The following CHST11 variants were observed in gnomAD, a reference collection of about 807,000 sequenced individuals.
The protein encoded by CHST11 is C4S-1.
A neutral mutation model predicts 30.4 loss-of-function variants in CHST11; 9 were observed. The observed-to-expected ratio is 0.30, with a 90% confidence interval of 0.18 to 0.52. The LOEUF is 0.52. CHST11 is among the 20% of genes least tolerant of loss of function. The pLI, the probability that CHST11 is intolerant of heterozygous loss-of-function variation, is 0.97. For missense variants in CHST11, 348 were observed against 460.6 expected (o/e 0.76, Z 2.24); for synonymous variants, 152 against 187.8 (o/e 0.81, Z 1.56).
At chr12:104,697,191 C>T (rs2039955071) in intron 2 of CHST11, among the ~76,000 whole-genome samples, 1 of 152,216 alleles carries the variant, frequency 6.6e-6, no homozygotes, top group Non-Finnish European at 1.5e-5. Flanking sequence ...GGGTCCTCCT[C>T]ACTGCTTCGT....
chr12:104,571,228 A>G (rs1442478564), intron 1 of CHST11, among the ~76,000 whole-genome samples: 1 of 148,944 alleles, frequency 6.7e-6, no homozygotes, highest in African/African-American at 2.5e-5. Context: ...CAATGGCCCG[A>G]TCTCAGCTTA....
At position 104,760,751 on chromosome 12, in the gene CHST11, T is replaced by G. The variant is rs1336384211; in HGVS notation, c.*2948T>G. ...TGGAATGAGGGACTCTTTCTCCCCG[T>G]GTTTTGCTTTGTGTTCACATTTTCT... On this transcript the variant is annotated 3_prime_UTR_variant, in exon 3 of 3. Transcript: ENST00000303694. 1.3e-5 allele frequency: 2 copies of G among 152,146 alleles called. No individual in the cohort carries two copies. The highest frequency in any genetic ancestry group is 2.9e-5 in the Non-Finnish European group (2 of 68,022). The allele number at this position is 152,146 out of a possible 1,614,324, so 9.4% of individuals were successfully genotyped here.
At chr12:104,489,696 T>C (rs2888823) in intron 1 of CHST11, among the ~76,000 whole-genome samples, 46,862 of 151,064 alleles carry the variant, frequency 0.31, 7,635 homozygotes, top group East Asian at 0.5. Flanking sequence ...ATCTCTTGAC[T>C]TTGTGATCTA....
chr12:104,568,923 A>G (rs1483275580), intron 1 of CHST11, among the ~76,000 whole-genome samples: 1 of 152,240 alleles, frequency 6.6e-6, no homozygotes, highest in East Asian at 1.9e-4. Context: ...TCTTTAAGAC[A>G]GTCTATGTAT....
intron 2 of CHST11, among the ~76,000 whole-genome samples, chr12:104,710,563 C>T (rs944739225): frequency 1.3e-5 from 2 of 152,112 alleles, no homozygotes; most frequent in African/African-American, 4.8e-5. Flanking sequence ...GGAGCAAGGC[C>T]CCCTCTGGTC....
intron 2 of CHST11, among the ~76,000 whole-genome samples, chr12:104,689,095 T>C (rs1566038941): frequency 6.6e-6 from 1 of 152,262 alleles, no homozygotes; most frequent in Non-Finnish European, 1.5e-5. Context: ...ATATTAACAG[T>C]ATTTCCTTTA....
Position 104,759,517 on chromosome 12 carries a change from A to T in CHST11, c.*1714A>T, listed in dbSNP as rs2040507268. On this transcript the variant is annotated 3_prime_UTR_variant, in exon 3 of 3. Coordinates refer to ENST00000303694, the MANE Select transcript of CHST11 (RefSeq NM_018413.6). ...AGTTTTGCCTTTTGTTTTGTTTTTG[A>T]TGCCGTATATAGTGAAGGGGTGAGG... 1 of 152,132 alleles carries T rather than the reference A, an allele frequency of 6.6e-6. No homozygotes were observed. The highest frequency in any genetic ancestry group is 1.5e-5 in the Non-Finnish European group (1 of 68,042). The allele number at this position is 152,132 out of a possible 1,614,324, so 9.4% of individuals were successfully genotyped here. A position where few individuals can be genotyped will look rare whatever the true frequency, so the allele number is the denominator to read the frequency against.
chr12:104,488,593 A>ATGTG (rs1252760206), intron 1 of CHST11, among the ~76,000 whole-genome samples: 1 of 125,864 alleles, frequency 7.9e-6, no homozygotes, highest in Non-Finnish European at 1.7e-5. Flanking sequence ...ATGTATGCGT[A>ATGTG]TGTATGCGTA....
chr12:104,691,709 C>T (rs1056230398), intron 2 of CHST11, among the ~76,000 whole-genome samples: 4 of 152,148 alleles, frequency 2.6e-5, no homozygotes, highest in Non-Finnish European at 4.4e-5. Context: ...AGGATGGTCT[C>T]GATCATCTGA....
chr12:104,757,503 GC>G lies in CHST11; in HGVS notation c.761del (p.Pro254LeufsTer46). Reference protein sequence around the residue: ...LIDPHTQREEPFNEHWQTVYS... With the variant: ...LIDPHTQREEXFNEHWQTVYS... ...TCGACCCACACACCCAGCGGGAGGAGCCTTTCAACGAACACTGGCAAACCGT... is the reference window on the plus strand; with the variant it reads ...TCGACCCACACACCCAGCGGGAGGAGCTTTCAACGAACACTGGCAAACCGT... On this transcript the variant is annotated frameshift_variant, in exon 3 of 3. Transcript: ENST00000303694. LOFTEE classifies it high-confidence loss of function. This position sits in a 1 kb window ranked among gnomAD's most constrained non-coding sequence, Gnocchi z 6.5. 1 of 1,614,124 alleles carries G rather than the reference GC, an allele frequency of 6.2e-7. No homozygotes were observed. The highest frequency in any genetic ancestry group is 8.5e-7 in the Non-Finnish European group (1 of 1,180,030).
chr12:104,457,464 T>A lies in CHST11; in HGVS notation c.53T>A (p.Val18Glu). The change falls in exon 1 of 3, where the codon GTG becomes GAG. Residue 18 changes from valine to glutamate, a missense_variant. Around this residue, in one of 3 missense-constraint regions of CHST11, gnomAD observed 135 missense variants for 155.8 expected, o/e 0.87. Transcript: ENST00000303694. The part of the protein sequence containing the change: ...VMRMNRICRM[V>E]LATCLGSFIL... ...AGGATGAACAGAATCTGCCGGATGGTGCTGGCCACTTGCTTGGGATCCTTT... is the reference window on the plus strand; with the variant it reads ...AGGATGAACAGAATCTGCCGGATGGAGCTGGCCACTTGCTTGGGATCCTTT... 1 of 1,614,220 alleles carries A rather than the reference T, an allele frequency of 6.2e-7. No individual in the cohort carries two copies. The highest frequency in any genetic ancestry group is 8.5e-7 in the Non-Finnish European group (1 of 1,180,010).
chr12:104,457,277 A>G lies in CHST11; in HGVS notation c.-135A>G. The stretch of plus-strand genomic sequence containing the variant: ...GGGCTCCGAGAGCGGCCGCGAAGCG[A>G]CTCCGATCCTCCCTCTGAGCCTTGC... On this transcript the variant is annotated 5_prime_UTR_variant, in exon 1 of 3. Transcript: ENST00000303694. 1.6e-6 allele frequency: 1 copy of G among 610,470 alleles called. No homozygotes were observed. The highest frequency in any genetic ancestry group is 2.9e-6 in the Non-Finnish European group (1 of 346,460). 37.8% of individuals were successfully genotyped at this position (610,470 alleles called of 1,614,324 possible).
At chr12:104,559,444 T>A (rs2038491331) in intron 1 of CHST11, among the ~76,000 whole-genome samples, 2 of 152,144 alleles carry the variant, frequency 1.3e-5, no homozygotes, top group Non-Finnish European at 2.9e-5. Flanking sequence ...GAAGACAGAC[T>A]GTCAACAAGT....
chr12:104,678,766 A>G lies in CHST11; in HGVS notation c.204+76775A>G, dbSNP rs373169604. On this transcript the variant is annotated intron_variant, in intron 2 of 2. Coordinates refer to ENST00000303694, the MANE Select transcript of CHST11 (RefSeq NM_018413.6). Reference sequence around the variant, plus strand: ...GATAAAAACCACATTTTATATTTTCAGAGAGTGACAATGAGCATTAATTGA... The same window carrying G: ...GATAAAAACCACATTTTATATTTTCGGAGAGTGACAATGAGCATTAATTGA... 1.4e-4 allele frequency among the ~76,000 whole-genome samples: 21 copies of G among 152,276 alleles called. 1 individual carries two copies. In the East Asian group the frequency reaches 3.9e-3, roughly 28 times the overall value.
At chr12:104,561,505 T>C (rs889256799) in intron 1 of CHST11, among the ~76,000 whole-genome samples, 8 of 152,162 alleles carry the variant, frequency 5.3e-5, no homozygotes, top group East Asian at 1.9e-4. Flanking sequence ...TCTAACACTA[T>C]GAAAGAAGGC....
chr12:104,457,617 C>A, intron 1 of CHST11, 88 bp downstream of exon 1: 2 of 961,504 alleles, frequency 2.1e-6, no homozygotes, highest in Non-Finnish European at 3.3e-6. Flanking sequence ...CTCTTCCAAC[C>A]CTACCTCTCC....
chr12:104,725,532 TAA>T (rs2040210510), intron 2 of CHST11, among the ~76,000 whole-genome samples: 1 of 150,480 alleles, frequency 6.6e-6, no homozygotes, highest in Non-Finnish European at 1.5e-5. Flanking sequence ...TTTTTTTTTT[TAA>T]TTCTGAGCCT....
intron 1 of CHST11, among the ~76,000 whole-genome samples, chr12:104,491,138 G>C (rs907670024): frequency 1.2e-4 from 18 of 152,094 alleles, no homozygotes; most frequent in African/African-American, 4.3e-4. Flanking sequence ...GAAGATTCTA[G>C]GTTCTCTACA....
intron 2 of CHST11, among the ~76,000 whole-genome samples, chr12:104,736,633 C>T (rs937587875): frequency 2.0e-5 from 3 of 152,184 alleles, no homozygotes; most frequent in Non-Finnish European, 4.4e-5. Flanking sequence ...ACCCACTGCA[C>T]GTACAACTCG....
Sources: gnomAD v4.1 joint callset for allele counts (sites outside exome capture counted in the v4.1 genomes callset) on GRCh38, gnomAD v4.1.1 for gene constraint, gnomAD v4.1.1 regional missense constraint, Gnocchi (gnomAD v3.1) non-coding constraint, MANE v1.5 for transcripts, NCBI Gene and HGNC (gene_info 2026-07-23, HGNC 2026-07-21) for gene names.